The following CAMTA1 variants were observed in gnomAD, a reference collection of about 807,000 sequenced individuals.
CAMTA1 encodes the protein calmodulin binding transcription activator 1.
CAMTA1 carries 27 observed loss-of-function variants against 170.9 expected under a neutral mutation model. That is an observed-to-expected ratio of 0.16 (90% CI 0.12 to 0.22). The LOEUF is 0.22. CAMTA1 is among the 10% of genes least tolerant of loss of function. The pLI, the probability that CAMTA1 is intolerant of heterozygous loss-of-function variation, is 1.00. For synonymous variants in CAMTA1, 833 were observed against 891.5 expected, an observed-to-expected ratio of 0.93 and a Z score of 1.17; for missense variants, 1,619 against 2,217.2, an observed-to-expected ratio of 0.73 and a Z score of 5.42.
At chr1:6,829,840 C>G (rs769330415) in intron 3 of CAMTA1, among the ~76,000 whole-genome samples, 3 of 152,190 alleles carry the variant, frequency 2.0e-5, no homozygotes, top group African/African-American at 4.8e-5. Flanking sequence ...TAGTTCTAAT[C>G]CTTTCGTTTT....
chr1:7,099,069 G>T (rs1357434289), intron 4 of CAMTA1, among the ~76,000 whole-genome samples: 1 of 150,276 alleles, frequency 6.7e-6, no homozygotes, highest in African/African-American at 2.4e-5. Flanking sequence ...AAAAAATTTT[G>T]ATATGGAGTC....
intron 5 of CAMTA1, among the ~76,000 whole-genome samples, chr1:7,354,142 CTTTTTCTCTTTTTT>C (rs545785244): frequency 6.7e-6 from 1 of 149,438 alleles, no homozygotes; most frequent in Non-Finnish European, 1.5e-5. Context: ...ACCACATTTT[CTTTTTCTCTTTTTT>C]TTTTTTTTTT....
At chr1:7,353,327 A>G (rs1468561808) in intron 5 of CAMTA1, among the ~76,000 whole-genome samples, 1 of 150,788 alleles carries the variant, frequency 6.6e-6, no homozygotes, top group Non-Finnish European at 1.5e-5. Context: ...TGAACCCCAG[A>G]CTCCTGCATC....
chr1:7,582,718 T>G (rs2095271867), intron 6 of CAMTA1, among the ~76,000 whole-genome samples: 3 of 151,980 alleles, frequency 2.0e-5, no homozygotes, highest in African/African-American at 7.3e-5. Context: ...TTCCTGGAAC[T>G]CACACATACT....
chr1:7,448,327 C>T (rs1359212694), intron 5 of CAMTA1, among the ~76,000 whole-genome samples: 4 of 152,212 alleles, frequency 2.6e-5, no homozygotes, highest in Non-Finnish European at 5.9e-5. Context: ...AGGTGTGAAA[C>T]CTGACGTTTC....
At chr1:7,669,434 G>A (rs974711599) in intron 9 of CAMTA1, among the ~76,000 whole-genome samples, 20 of 152,280 alleles carry the variant, frequency 1.3e-4, no homozygotes, top group African/African-American at 3.4e-4. Flanking sequence ...TGTAGAGGCC[G>A]GGGCTTCCTC....
At chr1:7,501,684 T>C (rs1335583931) in intron 6 of CAMTA1, among the ~76,000 whole-genome samples, 4 of 152,130 alleles carry the variant, frequency 2.6e-5, no homozygotes, top group Non-Finnish European at 5.9e-5. Flanking sequence ...ACAATTGATT[T>C]ATTGTTTATC....
chr1:7,631,913 A>G (rs1451546711), intron 6 of CAMTA1, among the ~76,000 whole-genome samples: 3 of 152,178 alleles, frequency 2.0e-5, no homozygotes, highest in Admixed American at 2.0e-4. Flanking sequence ...AGCAGAGAGG[A>G]CAGGGGCCCA....
At chr1:7,174,729 C>T (rs12073643) in intron 4 of CAMTA1, among the ~76,000 whole-genome samples, 55,442 of 152,066 alleles carry the variant, frequency 0.36, 10,227 homozygotes, top group African/African-American at 0.39. Flanking sequence ...GGCAGGTGGC[C>T]CTGGGGGGCC....
At position 7,064,401 on chromosome 1, in the gene CAMTA1, G is replaced by C. The variant is rs1325736970; in HGVS notation, c.235-26903G>C. 1.3e-5 allele frequency among the ~76,000 whole-genome samples: 2 copies of C among 152,104 alleles called. No homozygotes were observed. The highest frequency in any genetic ancestry group is 2.9e-5 in the Non-Finnish European group (2 of 68,032). ...CTCACCTCCAAATACCATAGCATTG[G>C]GGGTTGGGGCTTCAACCTATTAATT... On this transcript the variant is annotated intron_variant, in intron 3 of 22. Coordinates refer to ENST00000303635, the MANE Select transcript of CAMTA1 (RefSeq NM_015215.4). This position sits in a 1 kb window ranked among gnomAD's most constrained non-coding sequence, Gnocchi z 5.4.
At chr1:7,098,717 C>T (rs1192046695) in intron 4 of CAMTA1, among the ~76,000 whole-genome samples, 1 of 152,204 alleles carries the variant, frequency 6.6e-6, no homozygotes, top group Non-Finnish European at 1.5e-5. Flanking sequence ...ACATCCCCTC[C>T]GTGTCTAGGA....
intron 1 of CAMTA1, among the ~76,000 whole-genome samples, chr1:6,814,389 G>A (rs1645541019): frequency 6.6e-6 from 1 of 152,140 alleles, no homozygotes; most frequent in Non-Finnish European, 1.5e-5. Context: ...TGAGAGCAAC[G>A]AAGTGTGCCA....
At chr1:7,292,947 A>T (rs1231728647) in intron 5 of CAMTA1, among the ~76,000 whole-genome samples, 1 of 151,974 alleles carries the variant, frequency 6.6e-6, no homozygotes, top group Non-Finnish European at 1.5e-5. Context: ...CTCCCATGTC[A>T]CACCAGGCAG....
intron 3 of CAMTA1, among the ~76,000 whole-genome samples, chr1:6,980,148 TGA>T (rs1259486422): frequency 6.6e-6 from 1 of 152,216 alleles, no homozygotes; most frequent in Admixed American, 6.5e-5. Flanking sequence ...GGAGAAGCTG[TGA>T]GTCCTTTGCT....
At chr1:7,167,590 G>A (rs1648742342) in intron 4 of CAMTA1, among the ~76,000 whole-genome samples, 1 of 151,992 alleles carries the variant, frequency 6.6e-6, no homozygotes, top group Non-Finnish European at 1.5e-5. Context: ...CCTATTCTTG[G>A]CCTTTGCTGT....
chr1:6,961,652 C>G (rs546106157), intron 3 of CAMTA1, among the ~76,000 whole-genome samples: 46 of 152,186 alleles, frequency 3.0e-4, no homozygotes, highest in Non-Finnish European at 5.9e-4. Flanking sequence ...GGAATATTCA[C>G]TGGCAGTGAC....
chr1:7,472,049 C>T (rs908426573), intron 6 of CAMTA1, among the ~76,000 whole-genome samples: 1 of 152,226 alleles, frequency 6.6e-6, no homozygotes, highest in South Asian at 2.1e-4. Context: ...TCGAGTGAAG[C>T]GGGGGTGTGT....
intron 5 of CAMTA1, among the ~76,000 whole-genome samples, chr1:7,359,180 G>C (rs1297218952): frequency 6.6e-6 from 1 of 152,200 alleles, no homozygotes; most frequent in Non-Finnish European, 1.5e-5. Context: ...TCAGTCATGG[G>C]TACCAGGTGA....
intron 12 of CAMTA1, among the ~76,000 whole-genome samples, chr1:7,734,229 A>C (rs11121012): frequency 6.6e-6 from 1 of 152,042 alleles, no homozygotes; most frequent in South Asian, 2.1e-4. Flanking sequence ...TTACAGACAT[A>C]AGCCACCGTG....
Sources: allele counts gnomAD v4.1 joint callset (sites outside exome capture counted in the v4.1 genomes callset), GRCh38; gene constraint gnomAD v4.1.1; non-coding constraint Gnocchi (gnomAD v3.1); transcripts MANE v1.5; gene names NCBI Gene and HGNC (gene_info 2026-07-23, HGNC 2026-07-21).